Variants in ZCWPW2 observed in about 807,000 individuals in gnomAD.
ZCWPW2 encodes the protein zinc finger CW-type PWWP domain protein 2.
ZCWPW2 carries 45 observed loss-of-function variants against 46.6 expected under a neutral mutation model. The observed-to-expected ratio is 0.96, with a 90% CI of 0.76 to 1.24. ZCWPW2 has a LOEUF of 1.24. ZCWPW2 is among the 50% of genes most tolerant of loss of function. The probability of loss-of-function intolerance (pLI) is 0.00; values close to 1 mark genes in which losing one functional copy is unlikely to be tolerated. For missense variants in ZCWPW2, 429 were observed against 403.9 expected, an observed-to-expected ratio of 1.06 and a Z score of -0.53; for synonymous variants, 152 against 137.1, an observed-to-expected ratio of 1.11 and a Z score of -0.76.
At chr3:28,486,997 C>CT (rs1430330395) in intron 5 of ZCWPW2, among the ~76,000 whole-genome samples, 3 of 151,474 alleles carry the variant, frequency 2.0e-5, no homozygotes, top group African/African-American at 7.3e-5. Flanking sequence ...TAATTTTTAT[C>CT]TTTTCTATTG....
In ZCWPW2 at chr3:28,420,552, C is replaced by CT. The variant is rs997781514; in HGVS notation, c.332+7160dup. Among the ~76,000 whole-genome samples the CT allele has an allele frequency of 2.7e-5, 4 of 150,616 alleles. No homozygotes were observed. The East Asian group carries it at 7.8e-4, about 29-fold the overall frequency. On this transcript the variant is annotated intron_variant, in intron 3 of 9. Transcript: ENST00000383768. Reference sequence around the variant, plus strand: ...ATATTTTTCTCTAATCACTTTCTCACTTTTTTTTAGTTTTTAATTATACTT... The same window carrying CT: ...ATATTTTTCTCTAATCACTTTCTCACTTTTTTTTTAGTTTTTAATTATACTT...
chr3:28,405,817 A>T (rs939859744), intron 2 of ZCWPW2, among the ~76,000 whole-genome samples: 9 of 152,138 alleles, frequency 5.9e-5, no homozygotes, highest in Non-Finnish European at 1.0e-4. Flanking sequence ...CAGAAAGAAA[A>T]GAGGAGTGCA....
chr3:28,357,077 A>T (rs1292231864), intron 1 of ZCWPW2, among the ~76,000 whole-genome samples: 1 of 152,230 alleles, frequency 6.6e-6, no homozygotes, highest in Non-Finnish European at 1.5e-5. Context: ...CTATAAAGAA[A>T]AAAAAATCCA....
At chr3:28,516,101 G>C (rs1263087105) in intron 8 of ZCWPW2, among the ~76,000 whole-genome samples, 2 of 151,712 alleles carry the variant, frequency 1.3e-5, no homozygotes, top group African/African-American at 2.4e-5. Flanking sequence ...TTAGCTGGCC[G>C]TGGTGGCATG....
intron 4 of ZCWPW2, among the ~76,000 whole-genome samples, chr3:28,474,616 T>TGCGC (rs1488010444): frequency 6.7e-6 from 1 of 149,154 alleles, no homozygotes; most frequent in East Asian, 2.0e-4. Flanking sequence ...TGTGTGTGTG[T>TGCGC]GTGTGCGCGC....
At chr3:28,462,966 A>G (rs972859568) in intron 4 of ZCWPW2, among the ~76,000 whole-genome samples, 10 of 152,202 alleles carry the variant, frequency 6.6e-5, no homozygotes, top group African/African-American at 2.4e-4. Context: ...TTAAAACAAG[A>G]TCACATAGAA....
Position 28,514,117 on chromosome 3 carries a change from G to A in ZCWPW2, c.711G>A (p.Arg237=). 2.7e-6 allele frequency: 4 copies of A among 1,478,208 alleles called. No individual in the cohort carries two copies. The highest frequency in any genetic ancestry group is 1.2e-5 in the South Asian group (1 of 83,292). 91.6% of individuals were successfully genotyped at this position (1,478,208 alleles called of 1,614,324 possible). ...AGAAGAAGCCCAAATTTAGAAAAAG[G>A]AAAAGGTATGCTTTTTGAAATTAAA... ...IEKKKPKFRK[R]KRKAILKCSF... Residue 237 remains arginine (R), a synonymous_variant, in exon 7 of 10, where the codon AGG becomes AGA. Coordinates refer to ENST00000383768, the MANE Select transcript of ZCWPW2 (RefSeq NM_001040432.4).
intron 4 of ZCWPW2, among the ~76,000 whole-genome samples, chr3:28,444,356 TC>T (rs1697899523): frequency 6.6e-6 from 1 of 152,250 alleles, no homozygotes; most frequent in East Asian, 1.9e-4. Context: ...AACATTATTT[TC>T]CCTGGCAGCT....
intron 6 of ZCWPW2, among the ~76,000 whole-genome samples, chr3:28,512,666 C>T (rs1477448348): frequency 5.3e-5 from 8 of 152,240 alleles, no homozygotes; most frequent in Middle Eastern, 3.4e-3. Flanking sequence ...TTGGCGATCT[C>T]ATCAAATCTA....
At chr3:28,387,907 TTCA>T (rs1695335242) in intron 1 of ZCWPW2, among the ~76,000 whole-genome samples, 1 of 152,168 alleles carries the variant, frequency 6.6e-6, no homozygotes, top group Admixed American at 6.5e-5. Context: ...ACTTACCTTC[TTCA>T]TTAGTCAGGG....
At chr3:28,391,037 T>G (rs879644985) in intron 2 of ZCWPW2, among the ~76,000 whole-genome samples, 25 of 152,164 alleles carry the variant, frequency 1.6e-4, no homozygotes, top group African/African-American at 6.0e-4. Flanking sequence ...GGTGATGAAG[T>G]GTCCTGGATG....
At chr3:28,481,263 A>C (rs1283795832) in intron 5 of ZCWPW2, among the ~76,000 whole-genome samples, 1 of 151,906 alleles carries the variant, frequency 6.6e-6, no homozygotes, top group Non-Finnish European at 1.5e-5. Context: ...TTATTTTTTT[A>C]GATGGAGTCT....
chr3:28,470,796 A>C (rs1041418350), intron 4 of ZCWPW2, among the ~76,000 whole-genome samples: 1 of 152,140 alleles, frequency 6.6e-6, no homozygotes, highest in Admixed American at 6.5e-5. Context: ...ATAGAAACAT[A>C]AAATACAAAA....
chr3:28,442,777 T>C (rs1196669924), intron 4 of ZCWPW2, among the ~76,000 whole-genome samples: 1 of 152,228 alleles, frequency 6.6e-6, no homozygotes, highest in Non-Finnish European at 1.5e-5. Context: ...AAGATCTATC[T>C]GTCTTCTGCA....
intron 4 of ZCWPW2, among the ~76,000 whole-genome samples, chr3:28,439,636 C>A (rs1016546526): frequency 1.3e-5 from 2 of 152,138 alleles, no homozygotes; most frequent in Non-Finnish European, 2.9e-5. Context: ...ATAATGAGAT[C>A]ATAATTATGC....
intron 1 of ZCWPW2, among the ~76,000 whole-genome samples, chr3:28,365,240 G>A (rs1329746424): frequency 2.8e-5 from 4 of 144,800 alleles, no homozygotes; most frequent in African/African-American, 9.9e-5. Context: ...TGTCCTGAAT[G>A]GTATTGCCTA....
chr3:28,376,775 A>G (rs1705513055), intron 1 of ZCWPW2, among the ~76,000 whole-genome samples: 1 of 152,130 alleles, frequency 6.6e-6, no homozygotes, highest in Non-Finnish European at 1.5e-5. Context: ...CGCAAAATGT[A>G]TGTTGAAATC....
rs140040891 is a variant in ZCWPW2, at chr3:28,405,924, C to T, written c.-13-7132C>T. ...AGTAAAGACCATTTAGGTGGGAGGC[C>T]ATTCTCAGATGGAAATAGGAACATA... On this transcript the variant is annotated intron_variant, in intron 2 of 9. Coordinates refer to ENST00000383768, the MANE Select transcript of ZCWPW2 (RefSeq NM_001040432.4). 2.5e-3 allele frequency among the ~76,000 whole-genome samples: 382 copies of T among 152,248 alleles called. 1 individual carries two copies. The highest frequency in any genetic ancestry group is 8.3e-3 in the African/African-American group (346 of 41,548).
intron 6 of ZCWPW2, among the ~76,000 whole-genome samples, chr3:28,502,474 C>G (rs1700169403): frequency 6.6e-6 from 1 of 152,144 alleles, no homozygotes; most frequent in Non-Finnish European, 1.5e-5. Flanking sequence ...TTCAGCCAAA[C>G]TGCCTACTTG....
Sources: gnomAD v4.1 joint callset for allele counts (sites outside exome capture counted in the v4.1 genomes callset) on GRCh38, gnomAD v4.1.1 for gene constraint, MANE v1.5 for transcripts, NCBI Gene and HGNC (gene_info 2026-07-23, HGNC 2026-07-21) for gene names.